Variants in NFATC3 observed in about 807,000 individuals in gnomAD.
The protein encoded by NFATC3 is nuclear factor of activated T cells 3, also known as nuclear factor of activated T-cells, cytoplasmic 3.
Under a neutral mutation model 98.6 loss-of-function variants are expected in NFATC3, and 46 were observed. That is an observed-to-expected ratio of 0.47 (90% CI 0.37 to 0.60). The LOEUF is 0.60. NFATC3 is among the 20% of genes least tolerant of loss of function. The pLI, the probability that NFATC3 is intolerant of heterozygous loss-of-function variation, is 0.00. For missense variants in NFATC3, 1,256 were observed against 1,295.5 expected, an observed-to-expected ratio of 0.97 and a Z score of 0.47; for synonymous variants, 512 against 472.2, an observed-to-expected ratio of 1.08 and a Z score of -1.09.
At chr16:68,219,600 C>A (rs1360902796) in intron 9 of NFATC3, among the ~76,000 whole-genome samples, 1 of 152,006 alleles carries the variant, frequency 6.6e-6, no homozygotes, top group Non-Finnish European at 1.5e-5. Context: ...ATAATAATAA[C>A]ACCTTCATAA....
intron 9 of NFATC3, among the ~76,000 whole-genome samples, chr16:68,224,366 C>T (rs866960802): frequency 4.0e-5 from 6 of 148,312 alleles, no homozygotes; most frequent in Non-Finnish European, 7.5e-5. Flanking sequence ...AACCTCCACC[C>T]GCCGGGTTCA....
chr16:68,223,876 C>T (rs926466307), intron 9 of NFATC3, among the ~76,000 whole-genome samples: 2 of 128,410 alleles, frequency 1.6e-5, no homozygotes, highest in African/African-American at 6.0e-5. Flanking sequence ...GCCTCGGTGA[C>T]AGAGCAAGAC....
chr16:68,180,754 G>A (rs1189206736), intron 6 of NFATC3, among the ~76,000 whole-genome samples: 1 of 152,140 alleles, frequency 6.6e-6, no homozygotes, highest in African/African-American at 2.4e-5. Flanking sequence ...AACATGCGGT[G>A]TTTGGTTTTT....
chr16:68,088,355 TA>T (rs2151435897), intron 1 of NFATC3, among the ~76,000 whole-genome samples: 1 of 147,260 alleles, frequency 6.8e-6, no homozygotes, highest in African/African-American at 2.5e-5. Flanking sequence ...ATATTATATA[TA>T]AAATACATAT....
intron 1 of NFATC3, among the ~76,000 whole-genome samples, chr16:68,092,946 A>G (rs1257032753): frequency 6.6e-6 from 1 of 151,950 alleles, no homozygotes; most frequent in African/African-American, 2.4e-5. Flanking sequence ...GTCTCCTTCC[A>G]TTTGGATTTG....
chr16:68,184,829 A>G (rs2040109644), intron 8 of NFATC3, among the ~76,000 whole-genome samples: 1 of 144,924 alleles, frequency 6.9e-6, no homozygotes, highest in Non-Finnish European at 1.5e-5. Flanking sequence ...AAACAAACAA[A>G]CAAACAAAAA....
At chr16:68,164,523 G>A (rs1052957711) in intron 4 of NFATC3, among the ~76,000 whole-genome samples, 1 of 152,302 alleles carries the variant, frequency 6.6e-6, no homozygotes, top group East Asian at 1.9e-4. Flanking sequence ...AGTATTTATT[G>A]CCTTAGCTCT....
chr16:68,192,230 A>ATATATATAT (rs10642778), intron 9 of NFATC3: 84 of 82,576 alleles, frequency 1.0e-3, no homozygotes, highest in African/African-American at 1.7e-3. Context: ...AAAAAAAAAA[A>ATATATATAT]ATATATATAT....
chr16:68,154,616 C>T (rs2038512680), intron 3 of NFATC3, among the ~76,000 whole-genome samples: 1 of 152,200 alleles, frequency 6.6e-6, no homozygotes, highest in Admixed American at 6.5e-5. Context: ...ATTGCAGTCT[C>T]CTCTCAGGGA....
intron 6 of NFATC3, among the ~76,000 whole-genome samples, chr16:68,178,738 C>G (rs117240558): frequency 0.028 from 4,191 of 152,228 alleles, 124 homozygotes; most frequent in Non-Finnish European, 0.036. Context: ...CCCTTCCTTT[C>G]CACTGTAAAA....
At chr16:68,176,534 G>T (rs945791885) in intron 6 of NFATC3, among the ~76,000 whole-genome samples, 2 of 151,982 alleles carry the variant, frequency 1.3e-5, no homozygotes, top group African/African-American at 2.4e-5. Flanking sequence ...TGGATATTTC[G>T]ATATTGTCCA....
At chr16:68,222,253 C>A (rs948211201) in intron 9 of NFATC3, among the ~76,000 whole-genome samples, 1 of 117,136 alleles carries the variant, frequency 8.5e-6, no homozygotes, top group Non-Finnish European at 1.6e-5. Flanking sequence ...GTGCCACCTG[C>A]ATTCCAGCCT....
At chr16:68,181,172 T>G (rs2039936532) in intron 6 of NFATC3, among the ~76,000 whole-genome samples, 1 of 152,170 alleles carries the variant, frequency 6.6e-6, no homozygotes, top group Non-Finnish European at 1.5e-5. Flanking sequence ...ACCTGTTGTT[T>G]CCTGACTTTT....
intron 3 of NFATC3, among the ~76,000 whole-genome samples, chr16:68,127,167 C>T (rs112849782): frequency 2.0e-4 from 30 of 152,136 alleles, no homozygotes; most frequent in African/African-American, 6.7e-4. Context: ...GAGCCAAGAT[C>T]GTGTCGCTGC....
At chr16:68,154,494 A>G (rs2038506701) in intron 3 of NFATC3, among the ~76,000 whole-genome samples, 1 of 152,148 alleles carries the variant, frequency 6.6e-6, no homozygotes, top group Admixed American at 6.5e-5. Flanking sequence ...ATAGAGGCTT[A>G]ATTGATTTTT....
intron 6 of NFATC3, 42 bp downstream of exon 6, chr16:68,174,556 A>G: frequency 2.8e-6 from 4 of 1,446,290 alleles, no homozygotes; most frequent in Non-Finnish European, 3.7e-6. Context: ...CTAAGGGGCA[A>G]AGGGTAAAAT....
At chr16:68,087,088 A>G (rs1320667323) in intron 1 of NFATC3, among the ~76,000 whole-genome samples, 1 of 152,224 alleles carries the variant, frequency 6.6e-6, no homozygotes, top group Admixed American at 6.5e-5. Flanking sequence ...TAGAGGAAGA[A>G]ACAGGAAAAG....
At chr16:68,132,982 G>T (rs2037192489) in intron 3 of NFATC3, among the ~76,000 whole-genome samples, 1 of 152,138 alleles carries the variant, frequency 6.6e-6, no homozygotes, top group Non-Finnish European at 1.5e-5. Context: ...AAAATTTATT[G>T]TGGCGGGGCG....
At chr16:68,145,887 A>G (rs2038016513) in intron 3 of NFATC3, among the ~76,000 whole-genome samples, 1 of 152,200 alleles carries the variant, frequency 6.6e-6, no homozygotes, top group Admixed American at 6.6e-5. Flanking sequence ...GTATTGTATC[A>G]GTGTCAATGT....
Sources: gnomAD v4.1 joint callset for allele counts (sites outside exome capture counted in the v4.1 genomes callset) on GRCh38, gnomAD v4.1.1 for gene constraint, MANE v1.5 for transcripts, NCBI Gene and HGNC (gene_info 2026-07-23, HGNC 2026-07-21) for gene names.